AUTS2: variants seen among roughly 807,000 people sequenced by gnomAD.
AUTS2 encodes autism susceptibility gene 2 protein.
In AUTS2, 17 loss-of-function variants were observed where a neutral mutation model predicts 112.4. The ratio of observed to expected loss-of-function variants is 0.15; its 90% confidence interval spans 0.10 to 0.23. The LOEUF (loss-of-function observed/expected upper bound fraction) is 0.23. Among genes scored for constraint, AUTS2 ranks in the 10% least tolerant of loss-of-function variants. The probability of loss-of-function intolerance (pLI) is 1.00; values close to 1 mark genes in which losing one functional copy is unlikely to be tolerated. For missense variants in AUTS2, 1,510 were observed against 1,701.6 expected (o/e 0.89, Z 1.98); for synonymous variants, 751 against 702.7 (o/e 1.07, Z -1.09).
At chr7:70,535,463 A>G (rs1295026399) in intron 5 of AUTS2, among the ~76,000 whole-genome samples, 2 of 151,996 alleles carry the variant, frequency 1.3e-5, no homozygotes, top group South Asian at 2.1e-4. Context: ...CGCCCAGGCT[A>G]GAGTGCAGTG....
chr7:70,245,131 AAAGTGT>A (rs1201547385), intron 4 of AUTS2, among the ~76,000 whole-genome samples: 11 of 71,060 alleles, frequency 1.5e-4, no homozygotes, highest in African/African-American at 6.2e-4. Context: ...AAAAAAAAAA[AAAGTGT>A]GTGTGTGTAT....
intron 5 of AUTS2, among the ~76,000 whole-genome samples, chr7:70,457,592 A>G (rs1796796385): frequency 6.6e-6 from 1 of 152,190 alleles, no homozygotes; most frequent in Admixed American, 6.5e-5. Flanking sequence ...CCTGGTGAGG[A>G]AAGGTGCCTT....
At chr7:70,543,508 G>A (rs1355648116) in intron 5 of AUTS2, among the ~76,000 whole-genome samples, 1 of 148,502 alleles carries the variant, frequency 6.7e-6, no homozygotes, top group Non-Finnish European at 1.5e-5. Flanking sequence ...GAGCCTAGGC[G>A]ACAGAGTGAG....
chr7:69,661,450 T>C (rs1317211745), intron 1 of AUTS2, among the ~76,000 whole-genome samples: 1 of 152,212 alleles, frequency 6.6e-6, no homozygotes, highest in Non-Finnish European at 1.5e-5. Context: ...CATTGCCTTC[T>C]CTCGGTCCTA....
In AUTS2 at chr7:70,766,456, C is replaced by A; in HGVS notation, c.1689+122C>A. On this transcript the variant is annotated intron_variant, in intron 9 of 18. Coordinates refer to ENST00000342771, the MANE Select transcript of AUTS2 (RefSeq NM_015570.4). This position sits in a 1 kb window ranked among gnomAD's most constrained non-coding sequence, Gnocchi z 4.8. ...TCGAATGGGGACTGACGGCTGTTGG[C>A]TGGAGAGAAGGGAATGTGTCCTAGT... 1.5e-6 allele frequency: 2 copies of A among 1,295,456 alleles called. No homozygotes were observed. Among genetic ancestry groups the A allele is most frequent in the Non-Finnish European group, 2.2e-6 (2 of 924,580 alleles). 80.2% of individuals were successfully genotyped at this position (1,295,456 alleles called of 1,614,324 possible). A position where few individuals can be genotyped will look rare whatever the true frequency, so the allele number is the denominator to read the frequency against.
At chr7:69,959,933 C>T (rs1213571475) in intron 2 of AUTS2, among the ~76,000 whole-genome samples, 1 of 152,064 alleles carries the variant, frequency 6.6e-6, no homozygotes, top group African/African-American at 2.4e-5. Flanking sequence ...TGTCTTGCTT[C>T]ACAGTATGGC....
intron 2 of AUTS2, among the ~76,000 whole-genome samples, chr7:69,902,437 T>A (rs1444958886): frequency 6.6e-6 from 1 of 152,220 alleles, no homozygotes; most frequent in African/African-American, 2.4e-5. Context: ...TCTACATTAA[T>A]GGATTGTCAT....
intron 5 of AUTS2, among the ~76,000 whole-genome samples, chr7:70,685,637 A>T (rs1345304161): frequency 6.6e-6 from 1 of 152,120 alleles, no homozygotes; most frequent in Non-Finnish European, 1.5e-5. Flanking sequence ...TTCAATATTC[A>T]TATTAGTCAT....
At chr7:70,235,088 A>T (rs995944372) in intron 4 of AUTS2, among the ~76,000 whole-genome samples, 1 of 152,182 alleles carries the variant, frequency 6.6e-6, no homozygotes, top group Non-Finnish European at 1.5e-5. Flanking sequence ...TTTGGAGGAA[A>T]TCGGCCTCAG....
chr7:70,575,422 C>G (rs1228963487), intron 5 of AUTS2, among the ~76,000 whole-genome samples: 2 of 152,260 alleles, frequency 1.3e-5, no homozygotes, highest in East Asian at 3.9e-4. Flanking sequence ...CCTCCACCCC[C>G]ACCCTCAGCC....
intron 5 of AUTS2, among the ~76,000 whole-genome samples, chr7:70,491,256 T>C (rs960314082): frequency 6.6e-6 from 1 of 152,002 alleles, no homozygotes; most frequent in African/African-American, 2.4e-5. Context: ...ATCTGTCCTA[T>C]TATTCATCTG....
At position 70,589,973 on chromosome 7, in the gene AUTS2, CAGG is replaced by C. The variant is rs1387695169; in HGVS notation, c.691-108589_691-108587del. Among the ~76,000 whole-genome samples the C allele has an allele frequency of 3.3e-5, 5 of 152,130 alleles. No homozygotes were observed. The East Asian group carries it at 9.7e-4, about 29-fold the overall frequency. On this transcript the variant is annotated intron_variant, in intron 5 of 18. Coordinates refer to ENST00000342771, the MANE Select transcript of AUTS2 (RefSeq NM_015570.4). Reference sequence around the variant, plus strand: ...GCCCAGAAACCTTTCTTCCCCTCCCCAGGAGGAGGGAGAGCAGTCTGCAGAGGC... The same window carrying C: ...GCCCAGAAACCTTTCTTCCCCTCCCCAGGAGGGAGAGCAGTCTGCAGAGGC...
At chr7:70,469,807 A>AT (rs1266006474) in intron 5 of AUTS2, among the ~76,000 whole-genome samples, 1 of 152,036 alleles carries the variant, frequency 6.6e-6, no homozygotes, top group Non-Finnish European at 1.5e-5. Context: ...CGCCCGGCTA[A>AT]TTTTTTATTT....
chr7:70,291,817 G>A (rs1788720185), intron 4 of AUTS2: 1 of 152,098 alleles, frequency 6.6e-6, no homozygotes, highest in African/African-American at 2.4e-5. Context: ...AGACAAACTA[G>A]AGAGAGAGAT....
At chr7:70,486,142 C>T (rs1797988522) in intron 5 of AUTS2, among the ~76,000 whole-genome samples, 2 of 152,084 alleles carry the variant, frequency 1.3e-5, no homozygotes, top group African/African-American at 4.8e-5. Context: ...CCAGGTAATC[C>T]TTACCAAAAG....
intron 2 of AUTS2, among the ~76,000 whole-genome samples, chr7:69,974,674 A>G (rs908223966): frequency 8.5e-5 from 13 of 152,150 alleles, no homozygotes; most frequent in South Asian, 2.1e-4. Flanking sequence ...TTGGGTCTCA[A>G]TGGATTGAAT....
chr7:70,418,103 G>GTCTGTGTC (rs1554396537), intron 4 of AUTS2, among the ~76,000 whole-genome samples: 7 of 149,008 alleles, frequency 4.7e-5, no homozygotes, highest in African/African-American at 1.5e-4. Flanking sequence ...GTGTGTGTGT[G>GTCTGTGTC]TGTGTGTGTC....
chr7:69,638,209 G>T (rs73167506), intron 1 of AUTS2, among the ~76,000 whole-genome samples: 11,532 of 152,136 alleles, frequency 0.076, 589 homozygotes, highest in African/African-American at 0.14. Context: ...TAGAGACAAG[G>T]TCTTGCTTTG....
chr7:70,369,797 T>C (rs1341558126), intron 4 of AUTS2, among the ~76,000 whole-genome samples: 1 of 152,156 alleles, frequency 6.6e-6, no homozygotes, highest in Non-Finnish European at 1.5e-5. Context: ...TTCATAATAA[T>C]CCAGGTATCT....
Sources: allele counts gnomAD v4.1 joint callset (sites outside exome capture counted in the v4.1 genomes callset), GRCh38; gene constraint gnomAD v4.1.1; non-coding constraint Gnocchi (gnomAD v3.1); transcripts MANE v1.5; gene names NCBI Gene and HGNC (gene_info 2026-07-23, HGNC 2026-07-21).